Variants in SLC6A20 observed in about 807,000 individuals in gnomAD.
The protein encoded by SLC6A20 is solute carrier family 6 member 20, also known as sodium- and chloride-dependent transporter XTRP3.
In SLC6A20, 73 loss-of-function variants were observed where a neutral mutation model predicts 64.3. The observed-to-expected ratio is 1.14, with a 90% CI of 0.94 to 1.38. The LOEUF is 1.38. SLC6A20 is among the 40% of genes most tolerant of loss of function. The pLI is 0.00. For synonymous variants in SLC6A20, 347 were observed against 329.6 expected (o/e 1.05, Z -0.57); for missense variants, 725 against 772.8 (o/e 0.94, Z 0.73).
At chr3:45,782,621 T>TTCCATCCA (rs3051640) in intron 1 of SLC6A20, among the ~76,000 whole-genome samples, 13,947 of 144,548 alleles carry the variant, frequency 0.096, 981 homozygotes, top group African/African-American at 0.19. Context: ...ATTTCCATAT[T>TTCCATCCA]TCCATCCATC....
intron 3 of SLC6A20, among the ~76,000 whole-genome samples, chr3:45,778,216 A>G (rs948054374): frequency 1.3e-5 from 2 of 152,196 alleles, no homozygotes; most frequent in African/African-American, 4.8e-5. Flanking sequence ...CTCCGGGGCC[A>G]GGTCCCTGAG....
chr3:45,771,470 G>T lies in SLC6A20; in HGVS notation c.694-12C>A, dbSNP rs1450695155. The T allele has an allele frequency of 1.2e-6, 2 of 1,613,930 alleles. No homozygotes were observed. The highest frequency in any genetic ancestry group is 8.5e-7 in the Non-Finnish European group (1 of 1,179,790). ...GCCAGCTGCTCTATCTGGAAGGCCA[G>T]CAGGGACAGGGCTGATGATCCCTGG... On this transcript the variant is annotated splice_polypyrimidine_tract_variant and intron_variant, in intron 5 of 10. Transcript: ENST00000358525.
chr3:45,796,208 C>A (rs1700342780), intron 1 of SLC6A20, 91 bp downstream of exon 1: 1 of 1,517,542 alleles, frequency 6.6e-7, no homozygotes, highest in South Asian at 1.2e-5. Context: ...CCTCAGTGTG[C>A]CGTTCTGTAA....
Position 45,756,540 on chromosome 3 carries a change from G to A in SLC6A20, c.*2438C>T, listed in dbSNP as rs931084803. ...GCTGGAAGATGAGATGGTTGCTGAAGACAGTAGAAGACCTTTCTAAAGCCT... is the reference window on the plus strand; with the variant it reads ...GCTGGAAGATGAGATGGTTGCTGAAAACAGTAGAAGACCTTTCTAAAGCCT... On this transcript the variant is annotated 3_prime_UTR_variant, in exon 11 of 11. Transcript: ENST00000358525. 5 of 152,190 alleles carry A rather than the reference G, an allele frequency of 3.3e-5. No individual in the cohort carries two copies. Among genetic ancestry groups the A allele is most frequent in the African/African-American group, 1.2e-4 (5 of 41,438 alleles). 9.4% of individuals were successfully genotyped at this position (152,190 alleles called of 1,614,324 possible). A position where few individuals can be genotyped will look rare whatever the true frequency, so the allele number is the denominator to read the frequency against.
At chr3:45,796,267 T>A in intron 1 of SLC6A20, 32 bp downstream of exon 1, 1 of 1,575,580 alleles carries the variant, frequency 6.3e-7, no homozygotes. Context: ...CGCACAGAGT[T>A]GGGCTGGGGC....
In SLC6A20 at chr3:45,771,445, G is replaced by A. The variant is rs749553372; in HGVS notation, c.707C>T (p.Ala236Val). The change falls in exon 6 of 11, where the codon GCC (alanine) becomes GTC (valine). Residue 236 changes from alanine to valine, a missense_variant. By Grantham distance (64) the Ala-to-Val change is moderately conservative. Coordinates refer to ENST00000358525, the MANE Select transcript of SLC6A20 (RefSeq NM_020208.4). ...TGCATTGATCCAGGCCTTGGGGTTG[G>A]CCAGCTGCTCTATCTGGAAGGCCAG... The part of the protein sequence containing the change: ...YMFTPKIEQL[A>V]NPKAWINAAT... 1 of 1,614,202 alleles carries A rather than the reference G, an allele frequency of 6.2e-7. No individual in the cohort carries two copies. The highest frequency in any genetic ancestry group is 1.1e-5 in the South Asian group (1 of 91,086).
At position 45,765,360 on chromosome 3, in the gene SLC6A20, G is replaced by A. The variant is rs1699756574; in HGVS notation, c.1303+177C>T. Among the ~76,000 whole-genome samples the A allele has an allele frequency of 6.6e-6, 1 of 152,164 alleles. No homozygotes were observed. The highest frequency in any genetic ancestry group is 1.5e-5 in the Non-Finnish European group (1 of 68,016). On this transcript the variant is annotated intron_variant, in intron 8 of 10. Coordinates refer to ENST00000358525, the MANE Select transcript of SLC6A20 (RefSeq NM_020208.4). The surrounding 1 kb of genome is among the most constrained non-coding windows in gnomAD (Gnocchi z 4.2). ...ATGTGGAGAATGGAACGCACAGGGT[G>A]AATCACATGGCCCAGGTCCCAGGTT...
chr3:45,764,112 G>A (rs1230783997), intron 8 of SLC6A20, among the ~76,000 whole-genome samples: 2 of 152,184 alleles, frequency 1.3e-5, no homozygotes, highest in East Asian at 1.9e-4. Flanking sequence ...ACGGAGTAGT[G>A]TAGGCCACAG....
rs1699636264 is a variant in SLC6A20, at chr3:45,759,906, T to G, written c.1580A>C (p.Asp527Ala). The G allele has an allele frequency of 6.2e-7, 1 of 1,614,004 alleles. No homozygotes were observed. The highest frequency in any genetic ancestry group is 1.7e-5 in the Admixed American group (1 of 59,998). Residue 527 changes from aspartate (D) to alanine (A), a missense_variant, in exon 10 of 11, where the codon GAC becomes GCC. Coordinates refer to ENST00000358525, the MANE Select transcript of SLC6A20 (RefSeq NM_020208.4). Reference sequence around the variant, plus strand: ...CTTCAGGGTCCCCGTGAGGATGTAGTCGCTCAGGTAGAAGACAAAGAGGCT... The same window carrying G: ...CTTCAGGGTCCCCGTGAGGATGTAGGCGCTCAGGTAGAAGACAAAGAGGCT... ...IVSLFVFYLS[D>A]YILTGTLKYQ...
chr3:45,772,400 G>A lies in SLC6A20; in HGVS notation c.693+105C>T, dbSNP rs1013507045. Reference sequence around the variant, plus strand: ...TGGTGGGCTCACATCAGCTTCCGTAGGTACAGCGTTGGCCCACTCTCCACC... The same window carrying A: ...TGGTGGGCTCACATCAGCTTCCGTAAGTACAGCGTTGGCCCACTCTCCACC... On this transcript the variant is annotated intron_variant, in intron 5 of 10. Coordinates refer to ENST00000358525, the MANE Select transcript of SLC6A20 (RefSeq NM_020208.4). 12 of 1,000,082 alleles carry A rather than the reference G, an allele frequency of 1.2e-5. No homozygotes were observed. The Admixed American group carries it at 1.8e-4, about 15-fold the overall frequency. 62.0% of individuals were successfully genotyped at this position (1,000,082 alleles called of 1,614,324 possible).
chr3:45,766,598 G>A lies in SLC6A20; in HGVS notation c.1099-857C>T, dbSNP rs1259505218. Among the ~76,000 whole-genome samples the A allele has an allele frequency of 5.9e-5, 9 of 152,336 alleles. No individual in the cohort carries two copies. The South Asian group carries it at 1.2e-3, about 21-fold the overall frequency. On this transcript the variant is annotated intron_variant, in intron 7 of 10. Coordinates refer to ENST00000358525, the MANE Select transcript of SLC6A20 (RefSeq NM_020208.4). Reference sequence around the variant, plus strand: ...GTATGTTGAAACCCTAGCTCCCAATGTGACTGTATCTGGAGATAGGGTCTT... The same window carrying A: ...GTATGTTGAAACCCTAGCTCCCAATATGACTGTATCTGGAGATAGGGTCTT...
At position 45,755,911 on chromosome 3, in the gene SLC6A20, CA is replaced by C. The variant is rs1465827317; in HGVS notation, c.*3066del. The C allele has an allele frequency of 9.8e-5, 15 of 152,518 alleles. No homozygotes were observed. The highest frequency in any genetic ancestry group is 3.4e-4 in the African/African-American group (14 of 41,568). The allele number at this position is 152,518 out of a possible 1,614,324, so 9.4% of individuals were successfully genotyped here. A position where few individuals can be genotyped will look rare whatever the true frequency, so the allele number is the denominator to read the frequency against. ...ACTCTTCCATATAATTGGAAATGCTCAAAAATGCCTTCAAATTTTTAAGTCA... is the reference window on the plus strand; with the variant it reads ...ACTCTTCCATATAATTGGAAATGCTCAAAATGCCTTCAAATTTTTAAGTCA... On this transcript the variant is annotated 3_prime_UTR_variant, in exon 11 of 11. Coordinates refer to ENST00000358525, the MANE Select transcript of SLC6A20 (RefSeq NM_020208.4).
chr3:45,783,611 G>C (rs903452219), intron 1 of SLC6A20, among the ~76,000 whole-genome samples: 1 of 152,214 alleles, frequency 6.6e-6, no homozygotes, highest in African/African-American at 2.4e-5. Context: ...AATGAAGCCT[G>C]GTCCACTTGT....
chr3:45,763,243 G>A (rs191196891), intron 8 of SLC6A20, among the ~76,000 whole-genome samples, 171 bp from the exon 9 acceptor site: 312 of 152,324 alleles, frequency 2.0e-3, no homozygotes, highest in Middle Eastern at 0.014. Flanking sequence ...TGTGTGCCAC[G>A]TGTGTGGGGC....
Position 45,758,774 on chromosome 3 carries a change from A to G in SLC6A20, c.*204T>C. The G allele has an allele frequency of 7.5e-7, 1 of 1,333,452 alleles. No homozygotes were observed. Among genetic ancestry groups the G allele is most frequent in the Non-Finnish European group, 9.6e-7 (1 of 1,042,606 alleles). 82.6% of individuals were successfully genotyped at this position (1,333,452 alleles called of 1,614,324 possible). A position where few individuals can be genotyped will look rare whatever the true frequency, so the allele number is the denominator to read the frequency against. On this transcript the variant is annotated 3_prime_UTR_variant, in exon 11 of 11. Transcript: ENST00000358525. ...CCACCCCCTTCCATGATGAGGAGGC[A>G]GGTGACAGGGAGGAACAGCCACCAC...
intron 8 of SLC6A20, 84 bp from the exon 9 acceptor site, chr3:45,763,156 C>T (rs1471616029): frequency 1.3e-5 from 21 of 1,562,312 alleles, no homozygotes; most frequent in South Asian, 2.4e-5. Context: ...GTGGGGTCGT[C>T]GGCCCTCAGG....
chr3:45,789,357 A>G (rs1287334738), intron 1 of SLC6A20, among the ~76,000 whole-genome samples: 2 of 152,250 alleles, frequency 1.3e-5, no homozygotes. Flanking sequence ...GTAAGGCAGT[A>G]CGAAATGTGA....
In SLC6A20 at chr3:45,775,906, T is replaced by C; in HGVS notation, c.437A>G (p.Gln146Arg). Residue 146 changes from glutamine to arginine, a missense_variant, in exon 4 of 11, where the codon CAG (glutamine) becomes CGG (arginine). Coordinates refer to ENST00000358525, the MANE Select transcript of SLC6A20 (RefSeq NM_020208.4). ...DEECEKASST[Q>R]YFWYRKTLNI... ...GAGGGTTTTCCTGTACCAGAAGTAC[T>C]GTGTGGAGGACGCCTTCTCACACTC... The C allele has an allele frequency of 6.2e-7, 1 of 1,614,200 alleles. No individual in the cohort carries two copies. Among genetic ancestry groups the C allele is most frequent in the African/African-American group, 1.3e-5 (1 of 75,032 alleles).
chr3:45,781,215 C>T (rs1190406126), intron 2 of SLC6A20, among the ~76,000 whole-genome samples: 5 of 136,824 alleles, frequency 3.7e-5, no homozygotes, highest in African/African-American at 5.5e-5. Flanking sequence ...AGCGAAACTC[C>T]GCCTCAAAAA....
Sources: gnomAD v4.1 joint callset for allele counts (sites outside exome capture counted in the v4.1 genomes callset) on GRCh38, gnomAD v4.1.1 for gene constraint, Gnocchi (gnomAD v3.1) non-coding constraint, MANE v1.5 for transcripts, NCBI Gene and HGNC (gene_info 2026-07-23, HGNC 2026-07-21) for gene names.